Variants in TRPC5 observed in about 807,000 individuals in gnomAD.
TRPC5 encodes the protein short transient receptor potential channel 5.
In TRPC5, 9 loss-of-function variants were observed where a neutral mutation model predicts 56.5. The ratio of observed to expected loss-of-function variants is 0.16; its 90% CI spans 0.10 to 0.28. TRPC5 has a LOEUF of 0.28. Ranked by LOEUF, TRPC5 falls within the 10% of genes least tolerant of loss-of-function variation. The probability of loss-of-function intolerance (pLI) is 1.00; values close to 1 mark genes in which losing one functional copy is unlikely to be tolerated. For missense variants in TRPC5, 469 were observed against 748.9 expected (o/e 0.63, Z 4.36); for synonymous variants, 282 against 278.5 (o/e 1.01, Z -0.13).
chrX:112,033,034 G>A (rs1201147928), intron 1 of TRPC5, among the ~76,000 whole-genome samples: 1 of 109,198 alleles, frequency 9.2e-6, no homozygotes, highest in Non-Finnish European at 1.9e-5. Context: ...GGAATACTAT[G>A]CAGCCATAAA....
chrX:111,918,877 G>A lies in TRPC5; in HGVS notation c.379-6065C>T, dbSNP rs755857010. On this transcript the variant is annotated intron_variant, in intron 2 of 10. Coordinates refer to ENST00000262839, the MANE Select transcript of TRPC5 (RefSeq NM_012471.3). ...GGGCTGAAGTAGAGTGAATGTGGAG[G>A]TCAGTGGAGTGGGGAGGTCAAGGAG... is the stretch of plus-strand genomic sequence containing the variant. 2.7e-5 allele frequency among the ~76,000 whole-genome samples: 3 copies of A among 111,179 alleles called. No individual in the cohort carries two copies. In the South Asian group the frequency reaches 1.2e-3, roughly 43 times the overall value.
intron 2 of TRPC5, among the ~76,000 whole-genome samples, chrX:111,934,487 C>T (rs1454165566): frequency 9.0e-6 from 1 of 110,884 alleles, no homozygotes; most frequent in Non-Finnish European, 1.9e-5. Context: ...TTCCAATATA[C>T]CGTTTTAGTT....
chrX:111,949,862 A>G (rs944470926), intron 2 of TRPC5, among the ~76,000 whole-genome samples: 3 of 111,685 alleles, frequency 2.7e-5, no homozygotes, highest in Non-Finnish European at 3.8e-5. Flanking sequence ...CCAGGGGAAA[A>G]GAAGTCATTA....
At chrX:112,080,451 C>T (rs1052116624) in intron 1 of TRPC5, among the ~76,000 whole-genome samples, 3 of 108,630 alleles carry the variant, frequency 2.8e-5, no homozygotes, top group Non-Finnish European at 5.8e-5. Flanking sequence ...GATTTTCTCT[C>T]TCTCCCTATG....
intron 1 of TRPC5, among the ~76,000 whole-genome samples, chrX:112,023,493 G>T (rs1315342057): frequency 2.8e-5 from 3 of 108,615 alleles, no homozygotes; most frequent in Non-Finnish European, 5.7e-5. Context: ...GCAGGCCCCA[G>T]ACTACTATAA....
At position 111,810,952 on chromosome X, in the gene TRPC5, G is replaced by A. The variant is rs1268454904; in HGVS notation, c.1896+23969C>T. Among the ~76,000 whole-genome samples the A allele has an allele frequency of 6.3e-5, 7 of 111,600 alleles. 1 individual carries two copies. The Middle Eastern group carries it at 0.014, about 223-fold the overall frequency. On this transcript the variant is annotated intron_variant, in intron 7 of 10. Coordinates refer to ENST00000262839, the MANE Select transcript of TRPC5 (RefSeq NM_012471.3). The stretch of plus-strand genomic sequence containing the variant: ...TTTATGCTTTCTTATGAAGAAATAT[G>A]ACAAAGCAATAAAAAATAAAATACT...
intron 1 of TRPC5, among the ~76,000 whole-genome samples, chrX:112,018,462 G>C (rs1294998277): frequency 1.8e-5 from 2 of 111,717 alleles, no homozygotes; most frequent in African/African-American, 6.5e-5. Flanking sequence ...TTGTGGCTGT[G>C]GCTACGTCAT....
chrX:111,807,289 C>T (rs1425360143), intron 7 of TRPC5, among the ~76,000 whole-genome samples: 1 of 111,407 alleles, frequency 9.0e-6, no homozygotes, highest in Non-Finnish European at 1.9e-5. Context: ...TGTGTATTTT[C>T]AAATAGCCTG....
intron 1 of TRPC5, among the ~76,000 whole-genome samples, chrX:111,998,395 T>C (rs1219449951): frequency 8.9e-6 from 1 of 112,034 alleles, no homozygotes; most frequent in East Asian, 2.8e-4. Context: ...CTCAAACTTA[T>C]CATTTCTTTA....
chrX:112,065,711 C>T (rs1251352782), intron 1 of TRPC5, among the ~76,000 whole-genome samples: 1 of 110,751 alleles, frequency 9.0e-6, no homozygotes, highest in Admixed American at 9.6e-5. Context: ...GCCAACATGG[C>T]GAAAACTCAT....
At chrX:111,860,130 A>AT (rs1569526714) in intron 3 of TRPC5, among the ~76,000 whole-genome samples, 2 of 112,162 alleles carry the variant, frequency 1.8e-5, no homozygotes. Flanking sequence ...GGATGGTCTG[A>AT]ATCTCCTGAC....
At chrX:111,970,935 G>A (rs978401847) in intron 1 of TRPC5, among the ~76,000 whole-genome samples, 6 of 109,628 alleles carry the variant, frequency 5.5e-5, no homozygotes, top group South Asian at 8.0e-4. Context: ...CCACCACCAC[G>A]CCTGGCTAAT....
intron 3 of TRPC5, among the ~76,000 whole-genome samples, chrX:111,909,802 C>G (rs1242029662): frequency 9.0e-6 from 1 of 110,967 alleles, no homozygotes; most frequent in Non-Finnish European, 1.9e-5. Context: ...TTCTGGACAG[C>G]AAAAGGACTA....
At chrX:111,935,683 CA>C (rs1569528293) in intron 2 of TRPC5, among the ~76,000 whole-genome samples, 2 of 112,184 alleles carry the variant, frequency 1.8e-5, no homozygotes, top group Non-Finnish European at 3.8e-5. Context: ...CACTCTTCTG[CA>C]TGTGGATATC....
At chrX:111,838,092 A>T (rs1419103626) in intron 6 of TRPC5, among the ~76,000 whole-genome samples, 1 of 107,342 alleles carries the variant, frequency 9.3e-6, no homozygotes, top group African/African-American at 3.6e-5. Context: ...TGAGTAAATA[A>T]ATAAATAATA....
At chrX:111,891,228 A>G (rs1390104521) in intron 3 of TRPC5, among the ~76,000 whole-genome samples, 1 of 112,081 alleles carries the variant, frequency 8.9e-6, no homozygotes, top group African/African-American at 3.2e-5. Flanking sequence ...TTGGGTATAT[A>G]CCTAGTAATG....
rs771400479 is a variant in TRPC5 at position 111,813,505 on chromosome X, A to G, written c.1896+21416T>C. 4.4e-5 allele frequency among the ~76,000 whole-genome samples: 5 copies of G among 112,774 alleles called. No homozygotes were observed. The South Asian group carries it at 1.5e-3, about 33-fold the overall frequency. The stretch of plus-strand genomic sequence containing the variant: ...TACATTTCTCAACAAATCCAAGCTC[A>G]CAGTTATTTTCCTTGCAATCAAACT... On this transcript the variant is annotated intron_variant, in intron 7 of 10. Transcript: ENST00000262839.
intron 1 of TRPC5, among the ~76,000 whole-genome samples, chrX:111,972,349 A>C (rs753346754): frequency 1.8e-5 from 2 of 111,351 alleles, no homozygotes; most frequent in East Asian, 5.7e-4. Flanking sequence ...GGACAAGTCA[A>C]TTCTGCTCAT....
At chrX:112,014,753 C>T (rs1377927287) in intron 1 of TRPC5, among the ~76,000 whole-genome samples, 1 of 111,711 alleles carries the variant, frequency 9.0e-6, no homozygotes, top group Non-Finnish European at 1.9e-5. Flanking sequence ...GGGCATGGAC[C>T]AGGTTATAAC....
Sources: gnomAD v4.1 joint callset for allele counts (sites outside exome capture counted in the v4.1 genomes callset) on GRCh38, gnomAD v4.1.1 for gene constraint, MANE v1.5 for transcripts, NCBI Gene and HGNC (gene_info 2026-07-23, HGNC 2026-07-21) for gene names.